The following PTPN21 variants were observed in gnomAD, a reference collection of about 807,000 sequenced individuals.
PTPN21 encodes protein tyrosine phosphatase non-receptor type 21.
Under a neutral mutation model 131.8 loss-of-function variants are expected in PTPN21, and 77 were observed. That is an observed-to-expected ratio of 0.58 (90% confidence interval 0.49 to 0.71). PTPN21 has a LOEUF of 0.71. PTPN21 is among the 30% of genes least tolerant of loss of function. PTPN21 has a pLI of 0.00. For missense variants in PTPN21, 1,552 were observed against 1,527.1 expected, an observed-to-expected ratio of 1.02 and a Z score of -0.27; for synonymous variants, 715 against 621.3, an observed-to-expected ratio of 1.15 and a Z score of -2.24.
At chr14:88,505,447 G>T in intron 4 of PTPN21, 76 bp from the exon 5 acceptor site, 3 of 973,460 alleles carry the variant, frequency 3.1e-6, no homozygotes, top group South Asian at 1.5e-5. Flanking sequence ...AATTCAATAC[G>T]CAGTATATCT....
chr14:88,494,433 C>T (rs560293695), intron 10 of PTPN21, among the ~76,000 whole-genome samples: 1 of 151,820 alleles, frequency 6.6e-6, no homozygotes, highest in African/African-American at 2.4e-5. Flanking sequence ...TTTGAGAGGC[C>T]GGGGCAGGAG....
At position 88,550,485 on chromosome 14, in the gene PTPN21, ACG is replaced by A. The variant is rs2078849305; in HGVS notation, c.-70_-69del. The A allele has an allele frequency of 6.9e-7, 1 of 1,446,556 alleles. No individual in the cohort carries two copies. Among genetic ancestry groups the A allele is most frequent in the African/African-American group, 1.4e-5 (1 of 70,930 alleles). 89.6% of individuals were successfully genotyped at this position (1,446,556 alleles called of 1,614,324 possible). On this transcript the variant is annotated 5_prime_UTR_variant, in exon 2 of 19. Coordinates refer to ENST00000556564, the MANE Select transcript of PTPN21 (RefSeq NM_007039.4). ...TACCCCCACCAACCCAGCGCTGGTG[ACG>A]CCAGGAGAAAGCGATCCTCTCCGGA...
chr14:88,524,922 C>T (rs1175861548), intron 2 of PTPN21, among the ~76,000 whole-genome samples: 1 of 151,544 alleles, frequency 6.6e-6, no homozygotes, highest in Non-Finnish European at 1.5e-5. Context: ...CATACACACG[C>T]ACAAAATTTA....
intron 8 of PTPN21, 39 bp downstream of exon 8, chr14:88,500,744 G>C (rs184669880): frequency 7.4e-7 from 1 of 1,344,496 alleles, no homozygotes; most frequent in Admixed American, 1.7e-5. Flanking sequence ...TCACCAACAG[G>C]AGCCATAGAA....
At chr14:88,525,708 C>A (rs1349287228) in intron 2 of PTPN21, among the ~76,000 whole-genome samples, 1 of 152,082 alleles carries the variant, frequency 6.6e-6, no homozygotes, top group East Asian at 1.9e-4. Context: ...GGTACATACC[C>A]AAAAGAACTG....
At chr14:88,483,223 A>G (rs1471238819) in intron 12 of PTPN21, among the ~76,000 whole-genome samples, 3 of 151,958 alleles carry the variant, frequency 2.0e-5, no homozygotes, top group African/African-American at 7.3e-5. Context: ...AAAAAAAAAA[A>G]AAAAAAAGTC....
chr14:88,493,862 A>G (rs1011404821), intron 10 of PTPN21, among the ~76,000 whole-genome samples: 1 of 152,188 alleles, frequency 6.6e-6, no homozygotes, highest in African/African-American at 2.4e-5. Context: ...GACATCTTGA[A>G]TCAGAGCTCT....
intron 12 of PTPN21, among the ~76,000 whole-genome samples, chr14:88,483,546 C>T (rs1278782544): frequency 1.1e-4 from 16 of 152,154 alleles, no homozygotes; most frequent in Admixed American, 8.5e-4. Context: ...ACAAACAATA[C>T]AGTCACATCC....
intron 15 of PTPN21, among the ~76,000 whole-genome samples, chr14:88,471,378 G>A (rs2077464735): frequency 6.6e-6 from 1 of 152,168 alleles, no homozygotes; most frequent in African/African-American, 2.4e-5. Context: ...TCCATCATGT[G>A]TTGTGAATCA....
intron 10 of PTPN21, among the ~76,000 whole-genome samples, chr14:88,490,499 T>C (rs754382342): frequency 6.6e-6 from 1 of 152,112 alleles, no homozygotes; most frequent in East Asian, 1.9e-4. Flanking sequence ...CATGGATCCA[T>C]GGGAACTACT....
intron 5 of PTPN21, 82 bp from the exon 6 acceptor site, chr14:88,504,577 C>G (rs2078060132): frequency 8.8e-7 from 1 of 1,141,542 alleles, no homozygotes; most frequent in East Asian, 2.4e-5. Context: ...CTGTTAATGA[C>G]TCTCGTCACT....
At chr14:88,482,813 G>A (rs1247344558) in intron 12 of PTPN21, among the ~76,000 whole-genome samples, 1 of 151,610 alleles carries the variant, frequency 6.6e-6, no homozygotes, top group Non-Finnish European at 1.5e-5. Context: ...GAGGGGATGT[G>A]GGGGTGCTGG....
intron 10 of PTPN21, among the ~76,000 whole-genome samples, chr14:88,495,583 C>A (rs774818432): frequency 2.6e-5 from 4 of 152,228 alleles, no homozygotes; most frequent in Non-Finnish European, 5.9e-5. Context: ...TCACTTGAAC[C>A]GGGGGCTCAG....
chr14:88,485,839 T>C lies in PTPN21; in HGVS notation c.936A>G (p.Gln312=). ...TTGGGTTCACTGTGACAGTCTGAGT[T>C]TGCCTATAAAATAGGATGACTCTGA... is the stretch of plus-strand genomic sequence containing the variant. The part of the protein sequence containing the change: ...KFYRLNQCNL[Q]TQTVTVNPIR... The change falls in exon 11 of 19, where the codon CAA becomes CAG. Residue 312 remains glutamine, a synonymous_variant. Transcript: ENST00000556564. The C allele has an allele frequency of 6.2e-7, 1 of 1,602,536 alleles. No homozygotes were observed. The highest frequency in any genetic ancestry group is 1.3e-5 in the African/African-American group (1 of 74,744).
Position 88,480,069 on chromosome 14 carries a change from C to T in PTPN21, c.1362G>A (p.Val454=), listed in dbSNP as rs765928391. ...SYRPTPDYET[V]MKQLNRGLVH... is the part of the protein sequence containing the mutation. Reference sequence around the variant, plus strand: ...CCAGGCCCCTGTTGAGCTGCTTCATCACAGTCTCATAGTCTGGGGTGGGGC... The same window carrying T: ...CCAGGCCCCTGTTGAGCTGCTTCATTACAGTCTCATAGTCTGGGGTGGGGC... The change falls in exon 13 of 19, where the codon GTG becomes GTA. Residue 454 remains valine (V), a synonymous_variant. Coordinates refer to ENST00000556564, the MANE Select transcript of PTPN21 (RefSeq NM_007039.4). 11 of 1,613,996 alleles carry T rather than the reference C, an allele frequency of 6.8e-6. No homozygotes were observed. Among genetic ancestry groups the T allele is most frequent in the Non-Finnish European group, 8.5e-6 (10 of 1,179,884 alleles).
intron 2 of PTPN21, among the ~76,000 whole-genome samples, chr14:88,533,787 C>T (rs2078587295): frequency 6.6e-6 from 1 of 151,996 alleles, no homozygotes; most frequent in Non-Finnish European, 1.5e-5. Flanking sequence ...AGGAGGATTG[C>T]TTGAGCCCAG....
At chr14:88,522,724 G>A (rs2078414580) in intron 2 of PTPN21, among the ~76,000 whole-genome samples, 2 of 152,082 alleles carry the variant, frequency 1.3e-5, no homozygotes, top group Non-Finnish European at 1.5e-5. Flanking sequence ...ATTGCTGCTA[G>A]AAATGTTTAT....
chr14:88,530,373 G>GA (rs773944576), intron 2 of PTPN21, among the ~76,000 whole-genome samples: 2 of 151,712 alleles, frequency 1.3e-5, no homozygotes, highest in African/African-American at 2.4e-5. Context: ...CACAATGGGG[G>GA]AAAAAAAACC....
At chr14:88,513,772 GGTCGTTTTTGCTA>G (rs2139302880) in intron 3 of PTPN21, 1 of 152,272 alleles carries the variant, frequency 6.6e-6, no homozygotes, top group East Asian at 1.9e-4. Context: ...TATATTTGCA[GGTCGTTTTTGCTA>G]GATATATAAT....
Sources: gnomAD v4.1 joint callset for allele counts (sites outside exome capture counted in the v4.1 genomes callset) on GRCh38, gnomAD v4.1.1 for gene constraint, MANE v1.5 for transcripts, NCBI Gene and HGNC (gene_info 2026-07-23, HGNC 2026-07-21) for gene names.